Variants in TM9SF4 observed in about 807,000 individuals in gnomAD.
TM9SF4 encodes the protein transmembrane 9 superfamily member 4.
In TM9SF4, 26 loss-of-function variants were observed where a neutral mutation model predicts 90.4. The observed-to-expected ratio is 0.29, with a 90% CI of 0.21 to 0.40. The LOEUF (loss-of-function observed/expected upper bound fraction) is 0.40, where lower values mean the gene tolerates loss of function less well. Ranked by LOEUF, TM9SF4 falls within the 10% of genes least tolerant of loss-of-function variation. TM9SF4 has a pLI of 1.00. For synonymous variants in TM9SF4, 293 were observed against 315.4 expected (o/e 0.93, Z 0.75); for missense variants, 549 against 834.8 (o/e 0.66, Z 4.22).
At chr20:32,135,743 C>T (rs543923198) in intron 2 of TM9SF4, among the ~76,000 whole-genome samples, 28 of 152,270 alleles carry the variant, frequency 1.8e-4, no homozygotes, top group African/African-American at 6.0e-4. Flanking sequence ...GAGTGAACTT[C>T]GTTGCTCCTA....
chr20:32,120,425 T>G (rs2046288305), intron 1 of TM9SF4, among the ~76,000 whole-genome samples: 1 of 151,532 alleles, frequency 6.6e-6, no homozygotes, highest in Admixed American at 6.6e-5. Flanking sequence ...GTTTTAGTTT[T>G]GGATTGTTGT....
intron 6 of TM9SF4, 70 bp downstream of exon 6, chr20:32,143,175 A>G (rs1600819411): frequency 6.4e-7 from 1 of 1,568,008 alleles, no homozygotes; most frequent in Non-Finnish European, 8.7e-7. Flanking sequence ...GGGTCTTCGC[A>G]CTCTTCTCCC....
At chr20:32,160,659 G>A (rs1480852874) in intron 16 of TM9SF4, among the ~76,000 whole-genome samples, 2 of 152,076 alleles carry the variant, frequency 1.3e-5, no homozygotes, top group African/African-American at 4.8e-5. Flanking sequence ...CACTTAGAGT[G>A]GTGTTTGCCA....
intron 1 of TM9SF4, among the ~76,000 whole-genome samples, chr20:32,121,404 C>T (rs1256293345): frequency 6.6e-6 from 1 of 151,894 alleles, no homozygotes; most frequent in East Asian, 1.9e-4. Flanking sequence ...GGTGATGACT[C>T]TTAATGAGCA....
chr20:32,131,814 T>C (rs2046519374), intron 1 of TM9SF4, among the ~76,000 whole-genome samples: 1 of 152,202 alleles, frequency 6.6e-6, no homozygotes, highest in Non-Finnish European at 1.5e-5. Context: ...GCAATGGACC[T>C]TTCTTGCCTT....
intron 1 of TM9SF4, among the ~76,000 whole-genome samples, chr20:32,110,564 G>A (rs1271213049): frequency 6.6e-6 from 1 of 152,166 alleles, no homozygotes; most frequent in African/African-American, 2.4e-5. Flanking sequence ...AAGCACTCTA[G>A]TGATTATATA....
intron 1 of TM9SF4, among the ~76,000 whole-genome samples, chr20:32,111,263 A>G (rs764308650): frequency 2.0e-5 from 3 of 152,214 alleles, no homozygotes; most frequent in Admixed American, 2.0e-4. Context: ...ATATGTATAT[A>G]TATTCTGGTA....
chr20:32,144,729 A>T (rs564894606), intron 6 of TM9SF4, among the ~76,000 whole-genome samples: 33 of 152,204 alleles, frequency 2.2e-4, no homozygotes, highest in African/African-American at 7.9e-4. Context: ...GGGAAACATA[A>T]AAGGACCTTG....
intron 16 of TM9SF4, 100 bp from the exon 17 acceptor site, chr20:32,161,176 C>A: frequency 2.2e-6 from 2 of 916,586 alleles, no homozygotes; most frequent in East Asian, 2.5e-5. Flanking sequence ...CCATATGTTA[C>A]TGCTCTTACC....
intron 1 of TM9SF4, among the ~76,000 whole-genome samples, chr20:32,118,333 C>T (rs2046255721): frequency 6.6e-6 from 1 of 152,214 alleles, no homozygotes; most frequent in Non-Finnish European, 1.5e-5. Context: ...CTTACCTTAG[C>T]CCACTTTCTG....
rs1170665576 is a variant in TM9SF4, at chr20:32,133,052, T to C, written c.55T>C (p.Cys19Arg). ...PWSLLLFSLMCETSAFYVPGV... is the reference protein window; with the variant it reads ...PWSLLLFSLMRETSAFYVPGV... ...GTCTTTACTGCTTTTCTCCCTGATG[T>C]GTGAAACAAGCGCCTTCTATGTGCC... Residue 19 changes from cysteine (C) to arginine (R), a missense_variant, in exon 2 of 18, where the codon TGT (cysteine) becomes CGT (arginine). Cys to Arg is a radical substitution (Grantham distance 180). Around this residue, in one of 2 missense-constraint regions of TM9SF4, gnomAD observed 495 missense variants for 711.7 expected, o/e 0.70. Transcript: ENST00000398022. The C allele has an allele frequency of 4.3e-6, 7 of 1,614,066 alleles. No individual in the cohort carries two copies. Among genetic ancestry groups the C allele is most frequent in the Non-Finnish European group, 5.9e-6 (7 of 1,180,032 alleles).
intron 1 of TM9SF4, among the ~76,000 whole-genome samples, chr20:32,111,521 G>A (rs1456477791): frequency 6.6e-6 from 1 of 151,838 alleles, no homozygotes; most frequent in African/African-American, 2.4e-5. Context: ...CAGGGTCAAG[G>A]TCCCTACACT....
chr20:32,148,968 C>G (rs1204496130), intron 9 of TM9SF4, among the ~76,000 whole-genome samples: 1 of 152,172 alleles, frequency 6.6e-6, no homozygotes, highest in African/African-American at 2.4e-5. Context: ...CCGCGCCCAG[C>G]CAGAAATATT....
At chr20:32,115,271 T>C (rs139063942) in intron 1 of TM9SF4, among the ~76,000 whole-genome samples, 42 of 152,346 alleles carry the variant, frequency 2.8e-4, no homozygotes, top group African/African-American at 9.9e-4. Context: ...TCTTAGTTTC[T>C]GTTTTACAAC....
chr20:32,146,734 G>A lies in TM9SF4; in HGVS notation c.884-51G>A, dbSNP rs1452477790. 5.7e-6 allele frequency: 9 copies of A among 1,576,640 alleles called. No individual in the cohort carries two copies. In the South Asian group the frequency reaches 1.0e-4, roughly 18 times the overall value. On this transcript the variant is annotated intron_variant, in intron 8 of 17. Transcript: ENST00000398022. ...CATGTCTAGGAGGGCATGGAGCATG[G>A]GCTTGCTGGCAGCGCCAACTTCTCC...
intron 15 of TM9SF4, chr20:32,159,649 T>C (rs1186963376): frequency 4.1e-6 from 1 of 244,018 alleles, no homozygotes; most frequent in Non-Finnish European, 8.0e-6. Context: ...CATGTAGCAA[T>C]TGTATATGAG....
chr20:32,167,183 T>C lies in TM9SF4; in HGVS notation c.*1739T>C, dbSNP rs1470630060. 6.6e-6 allele frequency: 1 copy of C among 152,150 alleles called. No homozygotes were observed. The highest frequency in any genetic ancestry group is 1.5e-5 in the Non-Finnish European group (1 of 68,028). The allele number at this position is 152,150 out of a possible 1,614,324, so 9.4% of individuals were successfully genotyped here. On this transcript the variant is annotated 3_prime_UTR_variant, in exon 18 of 18. Transcript: ENST00000398022. ...TTCTGACTTTTTAAATCATTATCAT[T>C]ATTATTTTTAATTAAAAAAATGCCT...
At chr20:32,133,278 G>C in intron 2 of TM9SF4, 152 bp downstream of exon 2, 1 of 615,676 alleles carries the variant, frequency 1.6e-6, no homozygotes. Flanking sequence ...CTGTGCCTCT[G>C]GTTCTCGGTC....
In TM9SF4 at chr20:32,123,645, C is replaced by T. The variant is rs2046368700; in HGVS notation, c.16-9368C>T. Among the ~76,000 whole-genome samples, 3 of 150,652 alleles carry T rather than the reference C, an allele frequency of 2.0e-5. No individual in the cohort carries two copies. The South Asian group carries it at 6.3e-4, about 31-fold the overall frequency. ...TTGGTGTATTTTTTCATTTTTTTCC[C>T]TTATACATTTATATATACATTTTCT... On this transcript the variant is annotated intron_variant, in intron 1 of 17. Coordinates refer to ENST00000398022, the MANE Select transcript of TM9SF4 (RefSeq NM_014742.4).
Sources: allele counts gnomAD v4.1 joint callset (sites outside exome capture counted in the v4.1 genomes callset), GRCh38; gene constraint gnomAD v4.1.1; regional missense constraint gnomAD v4.1.1; transcripts MANE v1.5; gene names NCBI Gene and HGNC (gene_info 2026-07-23, HGNC 2026-07-21).